CLINT1: variants seen among roughly 807,000 people sequenced by gnomAD.
The protein encoded by CLINT1 is clathrin interacting protein localized in the trans-Golgi region.
A neutral mutation model predicts 70.4 loss-of-function variants in CLINT1; 15 were observed. The ratio of observed to expected loss-of-function variants is 0.21; its 90% CI spans 0.14 to 0.33. The LOEUF is 0.33. Among genes scored for constraint, CLINT1 ranks in the 10% least tolerant of loss-of-function variants. The pLI is 1.00. For synonymous variants in CLINT1, 227 were observed against 254.7 expected, an observed-to-expected ratio of 0.89 and a Z score of 1.04; for missense variants, 615 against 778.1, an observed-to-expected ratio of 0.79 and a Z score of 2.49.
At chr5:157,789,688 GTCT>G in intron 10 of CLINT1, 175 bp from the exon 11 acceptor site, 1 of 778,160 alleles carries the variant, frequency 1.3e-6, no homozygotes, top group Non-Finnish European at 2.0e-6. Context: ...CTATGCTAAT[GTCT>G]TCAATACCCT....
At position 157,805,850 on chromosome 5, in the gene CLINT1, C is replaced by G. The variant is rs777258160; in HGVS notation, c.942+16G>C. 2.5e-6 allele frequency: 4 copies of G among 1,613,852 alleles called. No individual in the cohort carries two copies. Among genetic ancestry groups the G allele is most frequent in the Non-Finnish European group, 3.4e-6 (4 of 1,179,798 alleles). On this transcript the variant is annotated intron_variant, in intron 7 of 11. Coordinates refer to ENST00000411809, the MANE Select transcript of CLINT1 (RefSeq NM_014666.4). ...AATAAAACCATGTATAATGTGTAAA[C>G]TACTGCCATTCCCACCTTAACTGAA... is the stretch of plus-strand genomic sequence containing the variant.
At chr5:157,823,397 T>C (rs1214497551) in intron 1 of CLINT1, among the ~76,000 whole-genome samples, 1 of 152,216 alleles carries the variant, frequency 6.6e-6, no homozygotes, top group African/African-American at 2.4e-5. Flanking sequence ...TATAGGCAAG[T>C]AAACATCATG....
chr5:157,812,437 T>G (rs936111141), intron 5 of CLINT1, among the ~76,000 whole-genome samples: 3 of 152,216 alleles, frequency 2.0e-5, no homozygotes, highest in Non-Finnish European at 4.4e-5. Flanking sequence ...TATGCCCTAT[T>G]TTAGAGAAAC....
chr5:157,839,333 GCTTA>G (rs1763537022), intron 1 of CLINT1, among the ~76,000 whole-genome samples: 4 of 152,190 alleles, frequency 2.6e-5, no homozygotes, highest in Admixed American at 2.6e-4. Flanking sequence ...AGGTGCGGCG[GCTTA>G]CGCCTGCAAT....
chr5:157,833,013 G>A (rs1174793742), intron 1 of CLINT1, among the ~76,000 whole-genome samples: 1 of 152,094 alleles, frequency 6.6e-6, no homozygotes, highest in East Asian at 1.9e-4. Context: ...AATTGAAACT[G>A]AGCTCCTATT....
In CLINT1 at chr5:157,809,810, A is replaced by G. The variant is rs1159604402; in HGVS notation, c.518-5T>C. 6.2e-7 allele frequency: 1 copy of G among 1,606,326 alleles called. No individual in the cohort carries two copies. Among genetic ancestry groups the G allele is most frequent in the South Asian group, 1.1e-5 (1 of 89,258 alleles). On this transcript the variant is annotated splice_polypyrimidine_tract_variant and splice_region_variant and intron_variant, in intron 5 of 11. Coordinates refer to ENST00000411809, the MANE Select transcript of CLINT1 (RefSeq NM_014666.4). ...GCTCAGGATCATATCTTTCACCTAGATAGAGCATTAAAAAAAGAAGCAATT... is the reference window on the plus strand; with the variant it reads ...GCTCAGGATCATATCTTTCACCTAGGTAGAGCATTAAAAAAAGAAGCAATT...
At chr5:157,843,146 CT>C (rs1183321095) in intron 1 of CLINT1, among the ~76,000 whole-genome samples, 5 of 152,112 alleles carry the variant, frequency 3.3e-5, no homozygotes, top group Non-Finnish European at 4.4e-5. Flanking sequence ...AAAAATTTTA[CT>C]GTTAAAGGGG....
chr5:157,839,618 AAAAC>A (rs1205156735), intron 1 of CLINT1, among the ~76,000 whole-genome samples: 14 of 147,512 alleles, frequency 9.5e-5, no homozygotes, highest in Admixed American at 6.7e-4. Flanking sequence ...ATAAAAAAAA[AAAAC>A]AAACAAAAAA....
intron 1 of CLINT1, among the ~76,000 whole-genome samples, chr5:157,854,582 A>G (rs971595723): frequency 4.6e-5 from 7 of 152,202 alleles, no homozygotes; most frequent in African/African-American, 1.7e-4. Context: ...ATAAATAACA[A>G]ATGTATTGCC....
At chr5:157,802,931 A>G (rs998583353) in intron 8 of CLINT1, among the ~76,000 whole-genome samples, 2 of 152,200 alleles carry the variant, frequency 1.3e-5, no homozygotes, top group African/African-American at 4.8e-5. Context: ...TTATCACTAG[A>G]TAACTATTTG....
At chr5:157,815,840 T>G (rs539527140) in intron 3 of CLINT1, among the ~76,000 whole-genome samples, 3 of 152,352 alleles carry the variant, frequency 2.0e-5, no homozygotes, top group African/African-American at 7.2e-5. Flanking sequence ...AACACAATGC[T>G]GAGTATTTTT....
chr5:157,793,712 C>CA (rs1294935580), intron 9 of CLINT1, among the ~76,000 whole-genome samples: 2 of 152,108 alleles, frequency 1.3e-5, no homozygotes, highest in Non-Finnish European at 2.9e-5. Flanking sequence ...TTCTTACTTT[C>CA]AAAATGAAGC....
intron 10 of CLINT1, 71 bp from the exon 11 acceptor site, chr5:157,789,584 T>C (rs1761839702): frequency 1.9e-6 from 3 of 1,605,424 alleles, no homozygotes; most frequent in Non-Finnish European, 2.6e-6. Flanking sequence ...AATAGAAAAA[T>C]GCTCTAAAAA....
chr5:157,855,456 C>A (rs1405843403), intron 1 of CLINT1, among the ~76,000 whole-genome samples: 1 of 152,122 alleles, frequency 6.6e-6, no homozygotes, highest in Non-Finnish European at 1.5e-5. Flanking sequence ...AATGGTGCCA[C>A]TTATCCTTTC....
intron 8 of CLINT1, among the ~76,000 whole-genome samples, chr5:157,800,294 A>G (rs927221872): frequency 6.6e-6 from 1 of 152,202 alleles, no homozygotes; most frequent in Non-Finnish European, 1.5e-5. Context: ...TGAGTGGTAC[A>G]GATGCCATAT....
At position 157,809,631 on chromosome 5, in the gene CLINT1, C is replaced by T. The variant is rs1338969896; in HGVS notation, c.692G>A (p.Cys231Tyr). ...GGGAGACAAAGTGGTAAAATACCTGCATCTTTCTGGAGAGTCTTCTCTATC... is the reference window on the plus strand; with the variant it reads ...GGGAGACAAAGTGGTAAAATACCTGTATCTTTCTGGAGAGTCTTCTCTATC... ...RKDREDSPER[C>Y]SDSDEEKKAR... Residue 231 changes from cysteine to tyrosine, a missense_variant, in exon 6 of 12, where the codon TGC (cysteine) becomes TAC (tyrosine). By Grantham distance (194) the Cys-to-Tyr change is radical. Around this residue, in one of 2 missense-constraint regions of CLINT1, gnomAD observed 241 missense variants for 368.6 expected, o/e 0.65. Transcript: ENST00000411809. The T allele has an allele frequency of 4.4e-6, 7 of 1,597,750 alleles. No homozygotes were observed. Among genetic ancestry groups the T allele is most frequent in the Non-Finnish European group, 6.0e-6 (7 of 1,174,022 alleles).
chr5:157,859,115 C>G lies in CLINT1; in HGVS notation c.-145G>C, dbSNP rs572136055. 11 of 786,314 alleles carry G rather than the reference C, an allele frequency of 1.4e-5. No homozygotes were observed. Among genetic ancestry groups the G allele is most frequent in the Non-Finnish European group, 2.1e-5 (11 of 521,036 alleles). The allele number at this position is 786,314 out of a possible 1,614,324, so 48.7% of individuals were successfully genotyped here. ...CAGTCAGCTCCTTCCTTTGCCACAG[C>G]AGCGGCGCCGCCGGTGACACGTCGA... On this transcript the variant is annotated 5_prime_UTR_variant, in exon 1 of 12. Transcript: ENST00000411809.
At chr5:157,811,771 G>T (rs1014328302) in intron 5 of CLINT1, among the ~76,000 whole-genome samples, 2 of 152,052 alleles carry the variant, frequency 1.3e-5, no homozygotes, top group African/African-American at 4.8e-5. Context: ...CAAAAAGAAA[G>T]ATACAAGCAA....
At chr5:157,825,020 T>G (rs1225354039) in intron 1 of CLINT1, among the ~76,000 whole-genome samples, 1 of 152,160 alleles carries the variant, frequency 6.6e-6, no homozygotes, top group African/African-American at 2.4e-5. Context: ...GGGAGGAAAC[T>G]GATGTCTCTC....
Sources: allele counts gnomAD v4.1 joint callset (sites outside exome capture counted in the v4.1 genomes callset), GRCh38; gene constraint gnomAD v4.1.1; regional missense constraint gnomAD v4.1.1; transcripts MANE v1.5; gene names NCBI Gene and HGNC (gene_info 2026-07-23, HGNC 2026-07-21).